The following KCNC4 variants were observed in gnomAD, a reference collection of about 807,000 sequenced individuals.
KCNC4 encodes potassium voltage-gated channel subfamily C member 4.
Under a neutral mutation model 42.8 loss-of-function variants are expected in KCNC4, and 23 were observed. That is an observed-to-expected ratio of 0.54 (90% CI 0.39 to 0.76). The LOEUF is 0.76. KCNC4 is among the 30% of genes least tolerant of loss of function. The pLI is 0.00. For missense variants in KCNC4, 751 were observed against 898.2 expected (o/e 0.84, Z 2.10); for synonymous variants, 422 against 393.5 (o/e 1.07, Z -0.86).
chr1:110,267,791 G>GT (rs1212214108), intron 1 of KCNC4, among the ~76,000 whole-genome samples: 1 of 152,150 alleles, frequency 6.6e-6, no homozygotes, highest in Non-Finnish European at 1.5e-5. Flanking sequence ...GGCTAAATTG[G>GT]TTTTTTGCTT....
At chr1:110,280,252 G>A (rs953531285) in intron 1 of KCNC4, among the ~76,000 whole-genome samples, 1 of 152,106 alleles carries the variant, frequency 6.6e-6, no homozygotes, top group African/African-American at 2.4e-5. Context: ...ACTAAGTTCA[G>A]GTTCATACCT....
At chr1:110,249,675 TAAAAG>T (rs1018199790), downstream of KCNC4, among the ~76,000 whole-genome samples, 18 of 152,302 alleles carry the variant, frequency 1.2e-4, no homozygotes, top group South Asian at 2.1e-4. Flanking sequence ...CTGCTCTCCT[TAAAAG>T]AAAAGAGAAA....
At position 110,211,028 on chromosome 1, in the gene KCNC4, C is replaced by A. The variant is rs917987835; in HGVS notation, c.-472C>A. Among the ~76,000 whole-genome samples the A allele has an allele frequency of 1.3e-5, 2 of 152,234 alleles. No individual in the cohort carries two copies. The highest frequency in any genetic ancestry group is 4.8e-5 in the African/African-American group (2 of 41,466). On this transcript the variant is annotated 5_prime_UTR_variant, in exon 1 of 4. Transcript: ENST00000438661. The surrounding 1 kb of genome is among the most constrained non-coding windows in gnomAD (Gnocchi z 6.5). ...GGACTTGTTGCTGCTGCGCTGCCGC[C>A]GCTGCGGGGAAGCCGGCTATTCCGG...
chr1:110,275,452 T>C (rs1192267873), intron 1 of KCNC4, among the ~76,000 whole-genome samples: 1 of 152,208 alleles, frequency 6.6e-6, no homozygotes, highest in East Asian at 1.9e-4. Flanking sequence ...ACAGTATGGC[T>C]ATTTCTCAAA....
chr1:110,225,737 C>A, intron 2 of KCNC4: 1 of 515,726 alleles, frequency 1.9e-6, no homozygotes, highest in South Asian at 2.9e-5. Context: ...ACTGTGGCTT[C>A]ATCCCTGAGG....
At position 110,210,649 on chromosome 1, in the gene KCNC4, C is replaced by T. The variant is rs993258837; in HGVS notation, c.-851C>T. Among the ~76,000 whole-genome samples, 3 of 151,252 alleles carry T rather than the reference C, an allele frequency of 2.0e-5. No individual in the cohort carries two copies. The highest frequency in any genetic ancestry group is 7.3e-5 in the African/African-American group (3 of 41,290). ...GCCCGGCTCCCCAGAGCGGCCCCGC[C>T]CCCCAGGCTCGGCGCCGCGCAGGAC... is the stretch of plus-strand genomic sequence containing the variant. On this transcript the variant is annotated 5_prime_UTR_variant, in exon 1 of 4. Transcript: ENST00000438661.
At chr1:110,226,236 C>T (rs764424120) in intron 3 of KCNC4, 58 bp downstream of exon 3, 1 of 1,514,516 alleles carries the variant, frequency 6.6e-7, no homozygotes, top group Non-Finnish European at 9.2e-7. Flanking sequence ...TCTCCCGAGT[C>T]CCCCACCAAG....
chr1:110,216,892 C>T (rs1657822309), intron 1 of KCNC4, among the ~76,000 whole-genome samples: 1 of 152,138 alleles, frequency 6.6e-6, no homozygotes, highest in African/African-American at 2.4e-5. Context: ...GTCCTAGGGC[C>T]CCAGCACCTA....
chr1:110,241,455 A>C (rs1659033628), exon 4 of KCNC4: 1 of 152,178 alleles, frequency 6.6e-6, no homozygotes, highest in African/African-American at 2.4e-5. Flanking sequence ...AAGTCCTAGC[A>C]CCAGAGAGCT....
At chr1:110,212,751 C>T (rs1276276331) in intron 1 of KCNC4, among the ~76,000 whole-genome samples, 1 of 152,158 alleles carries the variant, frequency 6.6e-6, no homozygotes, top group East Asian at 1.9e-4. Context: ...GACCACAATC[C>T]GGCCTCCTTT....
At chr1:110,260,866 C>T (rs1659412940) in intron 1 of KCNC4, among the ~76,000 whole-genome samples, 1 of 152,152 alleles carries the variant, frequency 6.6e-6, no homozygotes, top group South Asian at 2.1e-4. Flanking sequence ...GGAGGCGGAG[C>T]TTGCAGTGAG....
chr1:110,250,225 C>T (rs59742138), downstream of KCNC4, among the ~76,000 whole-genome samples: 18 of 151,968 alleles, frequency 1.2e-4, no homozygotes, highest in African/African-American at 2.9e-4. Context: ...CTTAGCTCAA[C>T]GCTCTTCTCC....
At chr1:110,225,854 A>T in intron 2 of KCNC4, 121 bp from the exon 3 acceptor site, 1 of 906,260 alleles carries the variant, frequency 1.1e-6, no homozygotes, top group Non-Finnish European at 1.7e-6. Flanking sequence ...CCTCTCAGGT[A>T]GATGCTAGGC....
Position 110,277,329 on chromosome 1 carries a change from C to A in KCNC4, n.31-5205C>A, listed in dbSNP as rs542189275. Reference sequence around the variant, plus strand: ...GCTATTCCCTGTGTCACTTTTAATGCCACGGGCAACTCTGGGCTCTAACAA... The same window carrying A: ...GCTATTCCCTGTGTCACTTTTAATGACACGGGCAACTCTGGGCTCTAACAA... On this transcript the variant is annotated intron_variant and non_coding_transcript_variant, in intron 1 of 2. Coordinates refer to the KCNC4 transcript ENST00000412512. 1.6e-4 allele frequency among the ~76,000 whole-genome samples: 25 copies of A among 152,344 alleles called. No individual in the cohort carries two copies. The South Asian group carries it at 4.6e-3, about 28-fold the overall frequency.
intron 1 of KCNC4, among the ~76,000 whole-genome samples, chr1:110,275,618 C>T (rs1659704254): frequency 6.6e-6 from 1 of 151,998 alleles, no homozygotes; most frequent in Admixed American, 6.6e-5. Context: ...CAATGGAGGA[C>T]TGGATAAAGA....
intron 3 of KCNC4, among the ~76,000 whole-genome samples, chr1:110,231,595 T>G (rs1658697060): frequency 6.6e-6 from 1 of 152,134 alleles, no homozygotes; most frequent in African/African-American, 2.4e-5. Flanking sequence ...CCTAATTGCC[T>G]ACTGGGAGCC....
chr1:110,270,076 C>A (rs2101084790), intron 1 of KCNC4, among the ~76,000 whole-genome samples: 1 of 152,314 alleles, frequency 6.6e-6, no homozygotes, highest in East Asian at 1.9e-4. Flanking sequence ...GGTTGCTTGG[C>A]AGTTTCTAGA....
intron 1 of KCNC4, among the ~76,000 whole-genome samples, chr1:110,268,852 C>CT (rs913643397): frequency 6.6e-6 from 1 of 151,312 alleles, no homozygotes; most frequent in Non-Finnish European, 1.5e-5. Context: ...CTCAGCCTCT[C>CT]TGAGTAGCTG....
At chr1:110,276,020 C>T (rs1296095947) in intron 1 of KCNC4, among the ~76,000 whole-genome samples, 2 of 149,194 alleles carry the variant, frequency 1.3e-5, no homozygotes, top group Non-Finnish European at 3.0e-5. Context: ...GTACTAGAGA[C>T]CATTATCTTA....
Sources: gnomAD v4.1 joint callset for allele counts (sites outside exome capture counted in the v4.1 genomes callset) on GRCh38, gnomAD v4.1.1 for gene constraint, Gnocchi (gnomAD v3.1) non-coding constraint, MANE v1.5 for transcripts, NCBI Gene and HGNC (gene_info 2026-07-23, HGNC 2026-07-21) for gene names.